The following TMEM145 variants were observed in gnomAD, a reference collection of about 807,000 sequenced individuals.
TMEM145 encodes transmembrane protein 145.
In TMEM145, 46 loss-of-function variants were observed where a neutral mutation model predicts 68.5. The observed-to-expected ratio is 0.67, with a 90% CI of 0.53 to 0.86. The LOEUF (loss-of-function observed/expected upper bound fraction) is 0.86, where lower values mean the gene tolerates loss of function less well. TMEM145 is among the 40% of genes least tolerant of loss of function. The pLI, the probability that TMEM145 is intolerant of heterozygous loss-of-function variation, is 0.00. For synonymous variants in TMEM145, 255 were observed against 280.2 expected (o/e 0.91, Z 0.90); for missense variants, 570 against 645.8 (o/e 0.88, Z 1.27).
Position 42,314,666 on chromosome 19 carries a change from C to T in TMEM145, c.327C>T (p.Asn109=). 6.2e-7 allele frequency: 1 copy of T among 1,614,216 alleles called. No homozygotes were observed. The highest frequency in any genetic ancestry group is 8.5e-7 in the Non-Finnish European group (1 of 1,180,030). ...GGCCGGAGAACAACCAGGTCATCAA[C>T]CTCACCACCCAGTATGCCTGGTCCG... is the stretch of plus-strand genomic sequence containing the variant. ...VIRPENNQVI[N]LTTQYAWSGC... Residue 109 remains asparagine (N), a synonymous_variant, in exon 4 of 15, where the codon AAC becomes AAT. Coordinates refer to ENST00000301204, the MANE Select transcript of TMEM145 (RefSeq NM_173633.3).
At position 42,315,226 on chromosome 19, in the gene TMEM145, A is replaced by G. The variant is rs1568546608; in HGVS notation, c.544A>G (p.Ile182Val). ...AGATGTGACCTTCCTCCTCATCTTC[A>G]TCCTCATCTTCTTCCTCTCTTGTTA... ...ETDVTFLLIF[I>V]LIFFLSCYFG... is the part of the protein sequence containing the mutation. Residue 182 changes from isoleucine (I) to valine (V), a missense_variant, in exon 7 of 15, where the codon ATC becomes GTC. Ile to Val is a conservative substitution (Grantham distance 29, BLOSUM62 3). Coordinates refer to ENST00000301204, the MANE Select transcript of TMEM145 (RefSeq NM_173633.3). The G allele has an allele frequency of 5.6e-6, 9 of 1,607,390 alleles. No individual in the cohort carries two copies. Among genetic ancestry groups the G allele is most frequent in the African/African-American group, 1.3e-5 (1 of 74,712 alleles).
At chr19:42,315,317 G>T (rs1379977228) in intron 7 of TMEM145, 55 bp from the exon 8 acceptor site, 15 of 1,614,012 alleles carry the variant, frequency 9.3e-6, no homozygotes, top group Admixed American at 1.7e-5. Context: ...GTTGGGGGAG[G>T]TGAGCTGCTC....
At position 42,323,564 on chromosome 19, in the gene TMEM145, C is replaced by T. The variant is rs368029809; in HGVS notation, c.1195-19C>T. On this transcript the variant is annotated intron_variant, in intron 13 of 14. Coordinates refer to ENST00000301204, the MANE Select transcript of TMEM145 (RefSeq NM_173633.3). ...GGCCTGACAGTGCCTCTCACACCTG[C>T]TCCTGGCCCTGGCCTCAGATCATGA... The T allele has an allele frequency of 3.1e-6, 5 of 1,612,664 alleles. No homozygotes were observed. In the African/African-American group the frequency reaches 6.7e-5, roughly 22 times the overall value.
chr19:42,314,808 G>T lies in TMEM145; in HGVS notation c.377G>T (p.Gly126Val), dbSNP rs959669396. Residue 126 changes from glycine to valine, a missense_variant, in exon 5 of 15, where the codon GGA becomes GTA. Coordinates refer to ENST00000301204, the MANE Select transcript of TMEM145 (RefSeq NM_173633.3). ...WSGCQVVSEE[G>V]TRYLSCSSGR... ...TGTCCCCAGGTGGTATCAGAGGAGG[G>T]AACCCGCTACCTGAGCTGCTCCAGT... 3 of 1,614,096 alleles carry T rather than the reference G, an allele frequency of 1.9e-6. No homozygotes were observed. The highest frequency in any genetic ancestry group is 2.5e-6 in the Non-Finnish European group (3 of 1,180,042).
chr19:42,323,500 G>T, intron 13 of TMEM145, 83 bp from the exon 14 acceptor site: 1 of 1,359,984 alleles, frequency 7.4e-7, no homozygotes. Context: ...TCAACTGAAA[G>T]GGAATCCTTC....
Position 42,323,699 on chromosome 19 carries a change from C to A in TMEM145, c.1311C>A (p.Phe437Leu), listed in dbSNP as rs762906371. 6.2e-7 allele frequency: 1 copy of A among 1,614,204 alleles called. No individual in the cohort carries two copies. Residue 437 changes from phenylalanine to leucine, a missense_variant, in exon 14 of 15, where the codon TTC (phenylalanine) becomes TTA (leucine). Transcript: ENST00000301204. ...GGAGCCAATCCGCTGACAAGGCCTT[C>A]CCGCAGCACGTCTATGGGAACGTGA... is the stretch of plus-strand genomic sequence containing the variant. ...PGGSQSADKA[F>L]PQHVYGNVTF...
At position 42,318,957 on chromosome 19, in the gene TMEM145, G is replaced by A. The variant is rs569963250; in HGVS notation, c.1073+1076G>A. On this transcript the variant is annotated intron_variant, in intron 12 of 14. Coordinates refer to ENST00000301204, the MANE Select transcript of TMEM145 (RefSeq NM_173633.3). ...AAATTAGCCAGGCATGGTGGTGCACGCCTGTACTGCCAGTTACTCGGGAAG... is the reference window on the plus strand; with the variant it reads ...AAATTAGCCAGGCATGGTGGTGCACACCTGTACTGCCAGTTACTCGGGAAG... 2.0e-5 allele frequency among the ~76,000 whole-genome samples: 3 copies of A among 152,038 alleles called. No homozygotes were observed. In the South Asian group the frequency reaches 6.2e-4, roughly 32 times the overall value.
In TMEM145 at chr19:42,316,939, G is replaced by A; in HGVS notation, c.876G>A (p.Val292=). The A allele has an allele frequency of 6.2e-7, 1 of 1,613,758 alleles. No individual in the cohort carries two copies. The highest frequency in any genetic ancestry group is 8.5e-7 in the Non-Finnish European group (1 of 1,179,956). Reference sequence around the variant, plus strand: ...TGACCCTGTACACGCTCACCCATGTGGTGCTGCTCATCTACGAGGCGGAAG... The same window carrying A: ...TGACCCTGTACACGCTCACCCATGTAGTGCTGCTCATCTACGAGGCGGAAG... The part of the protein sequence containing the change: ...VYMTLYTLTH[V]VLLIYEAEFF... The change falls in exon 11 of 15, where the codon GTG becomes GTA. Residue 292 remains valine (V), a synonymous_variant. Transcript: ENST00000301204.
Position 42,313,449 on chromosome 19 carries a change from C to A in TMEM145, c.73C>A (p.Pro25Thr). The A allele has an allele frequency of 1.5e-6, 2 of 1,373,348 alleles. No individual in the cohort carries two copies. Among genetic ancestry groups the A allele is most frequent in the Non-Finnish European group, 1.9e-6 (2 of 1,059,698 alleles). 85.1% of individuals were successfully genotyped at this position (1,373,348 alleles called of 1,614,324 possible). ...PLLLLLLSLP[P>T]RARAKYVRGN... ...GCTGCTCCTGCTGCTGTCACTGCCC[C>A]CCCGCGCCCGGGCCAAGTACGTGCG... The change falls in exon 1 of 15, where the codon CCC becomes ACC. Residue 25 changes from proline (P) to threonine (T), a missense_variant. Pro to Thr is a conservative substitution (Grantham distance 38). Transcript: ENST00000301204. This position sits in a 1 kb window ranked among gnomAD's most constrained non-coding sequence, Gnocchi z 5.1.
chr19:42,316,961 G>A lies in TMEM145; in HGVS notation c.898G>A (p.Glu300Lys). 6.2e-7 allele frequency: 1 copy of A among 1,613,160 alleles called. No homozygotes were observed. Among genetic ancestry groups the A allele is most frequent in the Non-Finnish European group, 8.5e-7 (1 of 1,179,816 alleles). The change falls in exon 11 of 15, where the codon GAA (glutamate) becomes AAA (lysine). Residue 300 changes from glutamate to lysine, a missense_variant and splice_region_variant. Coordinates refer to ENST00000301204, the MANE Select transcript of TMEM145 (RefSeq NM_173633.3). ...THVVLLIYEA[E>K]FFDPGQVLYT... Reference sequence around the variant, plus strand: ...TGTGGTGCTGCTCATCTACGAGGCGGAAGTGAGTCCGACTGGCCCCTGGCC... The same window carrying A: ...TGTGGTGCTGCTCATCTACGAGGCGAAAGTGAGTCCGACTGGCCCCTGGCC...
intron 1 of TMEM145, 21 bp from the exon 2 acceptor site, chr19:42,314,251 C>T: frequency 1.2e-6 from 2 of 1,613,724 alleles, no homozygotes; most frequent in African/African-American, 2.7e-5. Flanking sequence ...AGCGGAGGGT[C>T]AGACTGGGCC....
Position 42,317,886 on chromosome 19 carries a change from G to T in TMEM145, c.1073+5G>T. On this transcript the variant is annotated splice_donor_5th_base_variant and intron_variant, in intron 12 of 14. Coordinates refer to ENST00000301204, the MANE Select transcript of TMEM145 (RefSeq NM_173633.3). ...CTTTGCTGCCTATACCCTCTGGTGA[G>T]AATTGGTGGGCCCCAGCCTGTCCCT... 1 of 1,614,072 alleles carries T rather than the reference G, an allele frequency of 6.2e-7. No individual in the cohort carries two copies. Among genetic ancestry groups the T allele is most frequent in the Non-Finnish European group, 8.5e-7 (1 of 1,179,996 alleles).
At chr19:42,318,703 C>T (rs1435721506) in intron 12 of TMEM145, among the ~76,000 whole-genome samples, 1 of 142,940 alleles carries the variant, frequency 7.0e-6, no homozygotes, top group African/African-American at 2.7e-5. Context: ...AAAAAAAAAA[C>T]AGGATCTCCT....
At position 42,314,278 on chromosome 19, in the gene TMEM145, G is replaced by T. The variant is rs2038831911; in HGVS notation, c.127G>T (p.Val43Leu). The T allele has an allele frequency of 6.2e-7, 1 of 1,614,028 alleles. No individual in the cohort carries two copies. Among genetic ancestry groups the T allele is most frequent in the Non-Finnish European group, 8.5e-7 (1 of 1,179,992 alleles). Residue 43 changes from valine (V) to leucine (L), a missense_variant, in exon 2 of 15, where the codon GTG (valine) becomes TTG (leucine). Transcript: ENST00000301204. ...GACTGGGCCCCTTTTTCAGGACTGG[G>T]TGTTCCTGACAAGATTTTGTTTCCT... is the stretch of plus-strand genomic sequence containing the variant. ...RGNLSSKEDW[V>L]FLTRFCFLSD...
chr19:42,322,745 C>T (rs1235294584), intron 13 of TMEM145, among the ~76,000 whole-genome samples: 1 of 151,598 alleles, frequency 6.6e-6, no homozygotes, highest in Non-Finnish European at 1.5e-5. Flanking sequence ...CTCTGTCGTC[C>T]AGGTTGGAGT....
intron 4 of TMEM145, 46 bp from the exon 5 acceptor site, chr19:42,314,746 C>G: frequency 6.2e-7 from 1 of 1,614,124 alleles, no homozygotes; most frequent in Non-Finnish European, 8.5e-7. Flanking sequence ...AGGATGAAGC[C>G]TTCGGGGCAT....
intron 8 of TMEM145, among the ~76,000 whole-genome samples, chr19:42,315,876 A>G (rs923900784): frequency 1.3e-5 from 2 of 152,130 alleles, no homozygotes; most frequent in African/African-American, 4.8e-5. Flanking sequence ...CTAAAAATAC[A>G]AAAATTAGCT....
chr19:42,315,446 G>T lies in TMEM145; in HGVS notation c.646+6G>T, dbSNP rs766818461. On this transcript the variant is annotated splice_donor_region_variant and intron_variant, in intron 8 of 14. Transcript: ENST00000301204. ...GGCCGCAGCAGGAGTAGAGGGTGAG[G>T]TTCCGTGTCCCAACTTTTGGGTTCT... is the stretch of plus-strand genomic sequence containing the variant. 1 of 1,614,090 alleles carries T rather than the reference G, an allele frequency of 6.2e-7. No homozygotes were observed. The highest frequency in any genetic ancestry group is 8.5e-7 in the Non-Finnish European group (1 of 1,180,002).
At position 42,317,738 on chromosome 19, in the gene TMEM145, G is replaced by A. The variant is rs140704517; in HGVS notation, c.930G>A (p.Thr310=). Residue 310 remains threonine, a synonymous_variant, in exon 12 of 15, where the codon ACG becomes ACA. Coordinates refer to ENST00000301204, the MANE Select transcript of TMEM145 (RefSeq NM_173633.3). The part of the protein sequence containing the change: ...EFFDPGQVLY[T]YESPAGYGLI... Reference sequence around the variant, plus strand: ...TTGACCCAGGCCAGGTACTGTACACGTATGAGTCGCCGGCCGGCTACGGGC... The same window carrying A: ...TTGACCCAGGCCAGGTACTGTACACATATGAGTCGCCGGCCGGCTACGGGC... 3.7e-6 allele frequency: 6 copies of A among 1,614,090 alleles called. No homozygotes were observed. Among genetic ancestry groups the A allele is most frequent in the Non-Finnish European group, 5.1e-6 (6 of 1,180,044 alleles).
Sources: gnomAD v4.1 joint callset for allele counts (sites outside exome capture counted in the v4.1 genomes callset) on GRCh38, gnomAD v4.1.1 for gene constraint, Gnocchi (gnomAD v3.1) non-coding constraint, MANE v1.5 for transcripts, NCBI Gene and HGNC (gene_info 2026-07-23, HGNC 2026-07-21) for gene names.